The following EXOC4 variants were observed in gnomAD, a reference collection of about 807,000 sequenced individuals.
EXOC4 encodes the protein exocyst complex component 4, also known as SEC8-like 1.
In EXOC4, 71 loss-of-function variants were observed where a neutral mutation model predicts 107.2. The observed-to-expected ratio is 0.66, with a 90% CI of 0.55 to 0.81. EXOC4 has a LOEUF of 0.81. Ranked by LOEUF, EXOC4 falls within the 30% of genes least tolerant of loss-of-function variation. EXOC4 has a pLI of 0.00. For missense variants in EXOC4, 1,108 were observed against 1,189.6 expected, an observed-to-expected ratio of 0.93 and a Z score of 1.01; for synonymous variants, 456 against 441.2, an observed-to-expected ratio of 1.03 and a Z score of -0.42.
At chr7:134,083,363 A>G in the EXOC4 span, among the ~76,000 whole-genome samples, 4 of 152,232 alleles carry the variant, frequency 2.6e-5, no homozygotes, top group Non-Finnish European at 4.4e-5. Context: ...CAGAAGGGCA[A>G]CTGGCTCCCT....
intron 7 of EXOC4, among the ~76,000 whole-genome samples, chr7:133,386,825 G>GTT (rs34636956): frequency 6.9e-4 from 102 of 148,690 alleles, no homozygotes; most frequent in South Asian, 1.7e-3. Context: ...TGAAAGGAGA[G>GTT]TTTTTTTTTT....
intron 11 of EXOC4, among the ~76,000 whole-genome samples, chr7:133,880,455 C>T (rs1287977793): frequency 6.6e-6 from 1 of 152,110 alleles, no homozygotes; most frequent in African/African-American, 2.4e-5. Context: ...CTAATGCTTT[C>T]CTATTCATTG....
rs1796146319 is a variant in EXOC4 at position 134,064,750 on chromosome 7, A to G, written c.*222A>G. Reference sequence around the variant, plus strand: ...TTGAACAACTACTTTAATGCAGTCAAATCTAACGGGACTAGGGTGGGATAG... The same window carrying G: ...TTGAACAACTACTTTAATGCAGTCAGATCTAACGGGACTAGGGTGGGATAG... On this transcript the variant is annotated 3_prime_UTR_variant, in exon 18 of 18. Coordinates refer to ENST00000253861, the MANE Select transcript of EXOC4 (RefSeq NM_021807.4). 1.2e-5 allele frequency: 4 copies of G among 326,380 alleles called. No individual in the cohort carries two copies. The highest frequency in any genetic ancestry group is 1.2e-4 in the South Asian group (1 of 8,594). The allele number at this position is 326,380 out of a possible 1,614,324, so 20.2% of individuals were successfully genotyped here.
At chr7:133,909,101 G>T (rs1799631276) in intron 12 of EXOC4, among the ~76,000 whole-genome samples, 1 of 152,256 alleles carries the variant, frequency 6.6e-6, no homozygotes, top group African/African-American at 2.4e-5. Flanking sequence ...GGTCCAGAAA[G>T]ATATTTTTAT....
intron 10 of EXOC4, among the ~76,000 whole-genome samples, chr7:133,672,788 T>A (rs1793975986): frequency 6.6e-6 from 1 of 152,234 alleles, no homozygotes; most frequent in East Asian, 1.9e-4. Flanking sequence ...ATGCTGTTGA[T>A]CTGTTCATCA....
At chr7:133,391,671 A>T (rs1392717835) in intron 7 of EXOC4, among the ~76,000 whole-genome samples, 1 of 152,126 alleles carries the variant, frequency 6.6e-6, no homozygotes, top group Admixed American at 6.5e-5. Flanking sequence ...TACATCATAG[A>T]CTCCTCATTA....
intron 10 of EXOC4, among the ~76,000 whole-genome samples, chr7:133,749,288 A>G (rs1396422735): frequency 6.6e-6 from 1 of 152,174 alleles, no homozygotes; most frequent in African/African-American, 2.4e-5. Flanking sequence ...CAGATGGCCT[A>G]CTTTACAATT....
chr7:133,855,787 C>T (rs1585201295), intron 11 of EXOC4, among the ~76,000 whole-genome samples: 1 of 152,162 alleles, frequency 6.6e-6, no homozygotes, highest in East Asian at 1.9e-4. Context: ...ACAGTTATTA[C>T]ATGGCTGCAA....
intron 9 of EXOC4, among the ~76,000 whole-genome samples, chr7:133,544,772 G>A (rs1387035015): frequency 1.3e-5 from 2 of 150,730 alleles, no homozygotes; most frequent in Non-Finnish European, 2.9e-5. Flanking sequence ...AGAGGACATT[G>A]CTGTGCAGGG....
intron 10 of EXOC4, among the ~76,000 whole-genome samples, chr7:133,678,303 A>T (rs1421317265): frequency 6.6e-6 from 1 of 152,182 alleles, no homozygotes; most frequent in Non-Finnish European, 1.5e-5. Flanking sequence ...GAACTTGAGC[A>T]TGGTTCAATA....
chr7:133,729,926 A>C (rs1048993530), intron 10 of EXOC4, among the ~76,000 whole-genome samples: 1 of 151,954 alleles, frequency 6.6e-6, no homozygotes, highest in Admixed American at 6.6e-5. Flanking sequence ...CGATACATTA[A>C]ATCTTTATCT....
At chr7:133,676,959 G>GTGTGTGTGTA (rs34624649) in intron 10 of EXOC4, among the ~76,000 whole-genome samples, 33,638 of 137,578 alleles carry the variant, frequency 0.24, 3,182 homozygotes, top group East Asian at 0.38. Context: ...GTGTGTGTAT[G>GTGTGTGTGTA]TGTGTGTGTG....
chr7:133,395,432 A>G (rs553566358), intron 7 of EXOC4, among the ~76,000 whole-genome samples: 2 of 152,166 alleles, frequency 1.3e-5, no homozygotes, highest in African/African-American at 4.8e-5. Flanking sequence ...GAGCTTGGGA[A>G]AATTCTTGTA....
At chr7:133,800,304 A>G (rs770231601) in intron 10 of EXOC4, among the ~76,000 whole-genome samples, 11 of 152,306 alleles carry the variant, frequency 7.2e-5, no homozygotes, top group South Asian at 4.1e-4. Context: ...TTGAAAATAA[A>G]TATATCCTTC....
intron 4 of EXOC4, among the ~76,000 whole-genome samples, chr7:133,308,009 A>G (rs1357099186): frequency 2.0e-5 from 3 of 152,266 alleles, no homozygotes; most frequent in Non-Finnish European, 4.4e-5. Context: ...AGAGCTAACT[A>G]AAACATGAAT....
At chr7:133,811,631 T>G (rs2151207981) in intron 10 of EXOC4, among the ~76,000 whole-genome samples, 1 of 152,334 alleles carries the variant, frequency 6.6e-6, no homozygotes, top group South Asian at 2.1e-4. Context: ...GTAGAATGAA[T>G]CTGTAATATT....
chr7:133,748,055 T>A (rs1795714760), intron 10 of EXOC4, among the ~76,000 whole-genome samples: 1 of 152,166 alleles, frequency 6.6e-6, no homozygotes, highest in South Asian at 2.1e-4. Flanking sequence ...AGATTTTCTC[T>A]TCCCGGGGGC....
intron 10 of EXOC4, among the ~76,000 whole-genome samples, chr7:133,668,450 G>T (rs1023848240): frequency 6.6e-6 from 1 of 152,108 alleles, no homozygotes; most frequent in Admixed American, 6.5e-5. Context: ...TCACTTGTTA[G>T]TCAATTGTTT....
At position 133,817,559 on chromosome 7, in the gene EXOC4, T is replaced by C. The variant is rs1797401899; in HGVS notation, c.1734+15T>C. 6.4e-7 allele frequency: 1 copy of C among 1,572,084 alleles called. No homozygotes were observed. Among genetic ancestry groups the C allele is most frequent in the Non-Finnish European group, 8.7e-7 (1 of 1,144,470 alleles). On this transcript the variant is annotated intron_variant, in intron 11 of 17. Coordinates refer to ENST00000253861, the MANE Select transcript of EXOC4 (RefSeq NM_021807.4). ...CTCTCCTACAGGTAATAATACACTT[T>C]GAACTTACTATTTTTATCAGCAATT...
Sources: allele counts gnomAD v4.1 joint callset (sites outside exome capture counted in the v4.1 genomes callset), GRCh38; gene constraint gnomAD v4.1.1; transcripts MANE v1.5; gene names NCBI Gene and HGNC (gene_info 2026-07-23, HGNC 2026-07-21).